The following LUZP2 variants were observed in gnomAD, a reference collection of about 807,000 sequenced individuals.
LUZP2 encodes the protein leucine zipper protein 2.
LUZP2 carries 52 observed loss-of-function variants against 51.6 expected under a neutral mutation model. The observed-to-expected ratio is 1.01, with a 90% CI of 0.81 to 1.27. The LOEUF is 1.27. Ranked by LOEUF, LUZP2 falls within the 50% of genes most tolerant of loss-of-function variation. LUZP2 has a pLI of 0.00. For synonymous variants in LUZP2, 154 were observed against 137.3 expected (o/e 1.12, Z -0.85); for missense variants, 436 against 395.4 (o/e 1.10, Z -0.87).
intron 7 of LUZP2, among the ~76,000 whole-genome samples, chr11:24,971,331 C>A (rs1277966547): frequency 6.6e-6 from 1 of 152,086 alleles, no homozygotes; most frequent in Non-Finnish European, 1.5e-5. Context: ...AGGGTTCATG[C>A]CCCTATGAAA....
rs4923222 is a variant in LUZP2 at position 24,946,387 on chromosome 11, A to T, written c.523-30204A>T. On this transcript the variant is annotated intron_variant, in intron 7 of 11. Coordinates refer to ENST00000336930, the MANE Select transcript of LUZP2 (RefSeq NM_001009909.4). ...TGTGTCATTTTTCTTTTTGTTTCTG[A>T]TATGTCTCATGACTATTTTGTTCCC... is the stretch of plus-strand genomic sequence containing the variant. Among the ~76,000 whole-genome samples the T allele has an allele frequency of 2.3e-3, 353 of 151,832 alleles. 2 individuals carry two copies. Among genetic ancestry groups the T allele is most frequent in the Admixed American group, 0.02 (299 of 15,222 alleles).
intron 7 of LUZP2, among the ~76,000 whole-genome samples, chr11:24,915,475 G>A (rs1356337057): frequency 6.6e-6 from 1 of 152,076 alleles, no homozygotes; most frequent in African/African-American, 2.4e-5. Context: ...TTTTATGAAA[G>A]AGGAGAGTTT....
At chr11:24,710,262 T>C (rs1269622457) in intron 1 of LUZP2, among the ~76,000 whole-genome samples, 1 of 152,160 alleles carries the variant, frequency 6.6e-6, no homozygotes, top group Non-Finnish European at 1.5e-5. Flanking sequence ...GAATCTGAGA[T>C]ATCATGTAGG....
intron 10 of LUZP2, among the ~76,000 whole-genome samples, chr11:25,058,711 TG>T (rs1858753396): frequency 6.6e-6 from 1 of 152,210 alleles, no homozygotes; most frequent in East Asian, 1.9e-4. Context: ...GGCACCTGCT[TG>T]GGGGACATTG....
intron 5 of LUZP2, among the ~76,000 whole-genome samples, chr11:24,896,384 G>C (rs1853052674): frequency 1.3e-5 from 2 of 152,178 alleles, no homozygotes; most frequent in African/African-American, 4.8e-5. Context: ...ACTTGGAGCA[G>C]CCAGCCGGCC....
intron 5 of LUZP2, among the ~76,000 whole-genome samples, chr11:24,889,654 C>G (rs1852784584): frequency 6.6e-6 from 1 of 152,138 alleles, no homozygotes; most frequent in African/African-American, 2.4e-5. Flanking sequence ...GACAGTCTCC[C>G]CTGTGCCCCA....
intron 7 of LUZP2, among the ~76,000 whole-genome samples, chr11:24,953,413 G>A (rs115341166): frequency 1.3e-5 from 2 of 152,030 alleles, no homozygotes; most frequent in South Asian, 4.2e-4. Flanking sequence ...AAAATTTTAT[G>A]CTGGATTGTA....
At chr11:24,677,207 A>C (rs1279426279) in intron 1 of LUZP2, among the ~76,000 whole-genome samples, 1 of 152,164 alleles carries the variant, frequency 6.6e-6, no homozygotes, top group Non-Finnish European at 1.5e-5. Context: ...TCATGCTTCC[A>C]TTCTATTTTC....
intron 5 of LUZP2, among the ~76,000 whole-genome samples, chr11:24,769,110 T>A (rs1000548728): frequency 2.0e-5 from 3 of 152,140 alleles, no homozygotes; most frequent in African/African-American, 7.2e-5. Context: ...TAGAGGACAT[T>A]GTGTTAAGTG....
chr11:24,676,544 C>T (rs529594382), intron 1 of LUZP2, among the ~76,000 whole-genome samples: 21 of 152,174 alleles, frequency 1.4e-4, no homozygotes, highest in Admixed American at 8.5e-4. Context: ...CTGTCTGTTA[C>T]AAATAGGATC....
At chr11:24,736,735 T>C (rs1858955806) in intron 3 of LUZP2, among the ~76,000 whole-genome samples, 1 of 151,816 alleles carries the variant, frequency 6.6e-6, no homozygotes, top group African/African-American at 2.4e-5. Context: ...ATATCAGAAA[T>C]AATAATGGAA....
intron 1 of LUZP2, among the ~76,000 whole-genome samples, chr11:24,648,239 T>C (rs371368613): frequency 2.0e-5 from 3 of 152,040 alleles, no homozygotes; most frequent in Non-Finnish European, 2.9e-5. Flanking sequence ...CATCTATTCA[T>C]GTAGGTATCC....
intron 1 of LUZP2, among the ~76,000 whole-genome samples, chr11:24,545,135 T>C (rs1251700317): frequency 6.6e-6 from 1 of 151,900 alleles, no homozygotes; most frequent in Non-Finnish European, 1.5e-5. Flanking sequence ...ATTTTTTTTT[T>C]CTTGCTGATT....
intron 5 of LUZP2, among the ~76,000 whole-genome samples, chr11:24,792,463 G>T (rs1849434877): frequency 6.6e-6 from 1 of 151,756 alleles, no homozygotes; most frequent in Non-Finnish European, 1.5e-5. Context: ...GTGATATAAT[G>T]AAACTGTTTT....
At chr11:24,637,865 C>T (rs946454355) in intron 1 of LUZP2, among the ~76,000 whole-genome samples, 2 of 151,770 alleles carry the variant, frequency 1.3e-5, no homozygotes, top group African/African-American at 2.4e-5. Context: ...CTTTTATTGC[C>T]CTTTGAAGCA....
chr11:24,549,123 GCAAGTATATTGTACAGCTGTA>G (rs1457735895), intron 1 of LUZP2, among the ~76,000 whole-genome samples: 1 of 151,846 alleles, frequency 6.6e-6, no homozygotes, highest in African/African-American at 2.4e-5. Flanking sequence ...AGTTTAAAAT[GCAAGTATATTGTACAGCTGTA>G]CAGAAATTTT....
At chr11:24,596,281 C>T (rs1853443072) in intron 1 of LUZP2, among the ~76,000 whole-genome samples, 1 of 152,136 alleles carries the variant, frequency 6.6e-6, no homozygotes, top group African/African-American at 2.4e-5. Context: ...TATGTGTCTA[C>T]AAATACTCAT....
intron 1 of LUZP2, among the ~76,000 whole-genome samples, chr11:24,659,909 G>A (rs1265380880): frequency 1.3e-5 from 2 of 152,084 alleles, no homozygotes; most frequent in Non-Finnish European, 2.9e-5. Context: ...ATTAGATTGT[G>A]TTAGATTAGA....
intron 1 of LUZP2, among the ~76,000 whole-genome samples, chr11:24,556,989 C>G (rs754555150): frequency 1.3e-5 from 2 of 152,126 alleles, no homozygotes; most frequent in African/African-American, 2.4e-5. Context: ...AGGCCATGCA[C>G]TCTACCATTA....
Sources: allele counts gnomAD v4.1 joint callset (sites outside exome capture counted in the v4.1 genomes callset), GRCh38; gene constraint gnomAD v4.1.1; transcripts MANE v1.5; gene names NCBI Gene and HGNC (gene_info 2026-07-23, HGNC 2026-07-21).